CCDC91: variants seen among roughly 807,000 people sequenced by gnomAD.
The protein encoded by CCDC91 is coiled-coil domain containing 91, also known as coiled-coil domain-containing protein 91.
In CCDC91, 48 loss-of-function variants were observed where a neutral mutation model predicts 63.2. The ratio of observed to expected loss-of-function variants is 0.76; its 90% CI spans 0.60 to 0.97. The LOEUF is 0.97. CCDC91 is among the 50% of genes least tolerant of loss of function. The probability of loss-of-function intolerance (pLI) is 0.00; values close to 1 mark genes in which losing one functional copy is unlikely to be tolerated. For missense variants in CCDC91, 500 were observed against 494.6 expected, an observed-to-expected ratio of 1.01 and a Z score of -0.10; for synonymous variants, 167 against 165.8, an observed-to-expected ratio of 1.01 and a Z score of -0.06.
At chr12:28,328,972 A>C (rs1465043549) in intron 6 of CCDC91, among the ~76,000 whole-genome samples, 1 of 152,172 alleles carries the variant, frequency 6.6e-6, no homozygotes, top group Non-Finnish European at 1.5e-5. Context: ...AAAAGAAATG[A>C]GAACCAATGG....
At chr12:28,529,614 G>A (rs767745880) in intron 12 of CCDC91, among the ~76,000 whole-genome samples, 24 of 152,106 alleles carry the variant, frequency 1.6e-4, no homozygotes, top group Non-Finnish European at 2.8e-4. Context: ...TCTAATTGCC[G>A]AAGAAGCGCT....
At chr12:28,240,205 C>T (rs1407486867) in intron 1 of CCDC91, among the ~76,000 whole-genome samples, 1 of 152,118 alleles carries the variant, frequency 6.6e-6, no homozygotes, top group African/African-American at 2.4e-5. Flanking sequence ...CTAATAGTTT[C>T]CTTTTATCTG....
intron 1 of CCDC91, chr12:28,236,206 C>G (rs1314317865): frequency 5.3e-5 from 8 of 151,722 alleles, no homozygotes; most frequent in African/African-American, 1.9e-4. Context: ...TTTTTTAATA[C>G]AAGTATGAAA....
Position 28,549,308 on chromosome 12 carries a change from A to C in CCDC91, c.*135A>C. The C allele has an allele frequency of 1.8e-6, 1 of 555,870 alleles. No individual in the cohort carries two copies. Among genetic ancestry groups the C allele is most frequent in the African/African-American group, 1.9e-5 (1 of 52,066 alleles). The allele number at this position is 555,870 out of a possible 1,614,324, so 34.4% of individuals were successfully genotyped here. ...TGATTTCCAGTTCAAGGATAAACCA[A>C]AACAATATTTAGAACTATCAAGTGA... is the stretch of plus-strand genomic sequence containing the variant. On this transcript the variant is annotated 3_prime_UTR_variant, in exon 13 of 13. Transcript: ENST00000536442.
chr12:28,201,476 T>C (rs5959991), intron 1 of CCDC91, among the ~76,000 whole-genome samples: 1,096 of 94,900 alleles, frequency 0.012, 31 homozygotes, highest in African/African-American at 0.022. Context: ...GGATGGCGAC[T>C]GGGAAGAGGC....
intron 1 of CCDC91, among the ~76,000 whole-genome samples, chr12:28,229,191 C>T (rs1452456567): frequency 6.6e-6 from 1 of 150,970 alleles, no homozygotes; most frequent in Non-Finnish European, 1.5e-5. Flanking sequence ...ATTGCTGCTG[C>T]TGCTTTTTTT....
chr12:28,392,415 G>C (rs1244873798), intron 8 of CCDC91, among the ~76,000 whole-genome samples: 9 of 152,104 alleles, frequency 5.9e-5, no homozygotes, highest in Non-Finnish European at 1.3e-4. Context: ...CTCACCCTGG[G>C]AACTCTACTG....
intron 6 of CCDC91, among the ~76,000 whole-genome samples, chr12:28,325,149 TTAGA>T (rs1455245595): frequency 2.6e-5 from 4 of 151,976 alleles, no homozygotes; most frequent in Non-Finnish European, 5.9e-5. Context: ...AAGAAAGATA[TTAGA>T]TAAATTGGGA....
intron 6 of CCDC91, among the ~76,000 whole-genome samples, chr12:28,311,467 A>G (rs1939315854): frequency 1.3e-5 from 2 of 152,010 alleles, no homozygotes; most frequent in Admixed American, 6.6e-5. Flanking sequence ...ATCTATGGGC[A>G]CTGCATTGTT....
chr12:28,319,990 G>A (rs1419055479), intron 6 of CCDC91, among the ~76,000 whole-genome samples: 1 of 151,810 alleles, frequency 6.6e-6, no homozygotes, highest in Admixed American at 6.6e-5. Flanking sequence ...ATTCCAGGCT[G>A]TATGCTAAAT....
intron 8 of CCDC91, among the ~76,000 whole-genome samples, chr12:28,438,778 T>A (rs1949036935): frequency 1.3e-5 from 2 of 152,010 alleles, no homozygotes; most frequent in Non-Finnish European, 2.9e-5. Context: ...TTTATGATAT[T>A]TTTGACATAG....
At chr12:28,200,438 G>A (rs1375194401) in intron 1 of CCDC91, among the ~76,000 whole-genome samples, 3 of 145,942 alleles carry the variant, frequency 2.1e-5, no homozygotes, top group South Asian at 4.5e-4. Context: ...GCGGCCTTCC[G>A]CAGTGTTTGT....
intron 1 of CCDC91, among the ~76,000 whole-genome samples, chr12:28,244,120 T>A (rs1427826377): frequency 6.6e-6 from 1 of 152,188 alleles, no homozygotes; most frequent in Non-Finnish European, 1.5e-5. Context: ...TAATAAATGA[T>A]CCATAAATGT....
chr12:28,478,267 T>C (rs541828927), intron 11 of CCDC91, among the ~76,000 whole-genome samples: 16 of 152,150 alleles, frequency 1.1e-4, no homozygotes, highest in Admixed American at 2.6e-4. Flanking sequence ...AACAGAGATA[T>C]AGACCAATGG....
chr12:28,454,996 G>A (rs984399012), intron 11 of CCDC91, among the ~76,000 whole-genome samples: 3 of 152,044 alleles, frequency 2.0e-5, no homozygotes, highest in Non-Finnish European at 4.4e-5. Context: ...TTCACCTCTT[G>A]TTGACATCAT....
chr12:28,293,898 T>A (rs1283232654), intron 3 of CCDC91, among the ~76,000 whole-genome samples: 1 of 152,128 alleles, frequency 6.6e-6, no homozygotes, highest in Non-Finnish European at 1.5e-5. Flanking sequence ...GCAGTGCGCC[T>A]GGCTCCTTGC....
intron 12 of CCDC91, among the ~76,000 whole-genome samples, chr12:28,519,096 A>G (rs990178973): frequency 5.3e-5 from 8 of 151,794 alleles, no homozygotes; most frequent in African/African-American, 1.9e-4. Context: ...TGTTGGTGGT[A>G]TTTTGATAGG....
chr12:28,408,462 A>G (rs1592584926), intron 8 of CCDC91, among the ~76,000 whole-genome samples: 1 of 152,028 alleles, frequency 6.6e-6, no homozygotes, highest in South Asian at 2.1e-4. Context: ...CATGCGTCTG[A>G]CTTTTTAATA....
chr12:28,384,802 G>T (rs1217290844), intron 7 of CCDC91, among the ~76,000 whole-genome samples: 7 of 151,948 alleles, frequency 4.6e-5, no homozygotes, highest in Admixed American at 4.6e-4. Flanking sequence ...TTGTAAGGCA[G>T]GTATGTAAAG....
Sources: allele counts gnomAD v4.1 joint callset (sites outside exome capture counted in the v4.1 genomes callset), GRCh38; gene constraint gnomAD v4.1.1; transcripts MANE v1.5; gene names NCBI Gene and HGNC (gene_info 2026-07-23, HGNC 2026-07-21).